Variants in ALAD observed in about 807,000 individuals in gnomAD.
The protein encoded by ALAD is delta-aminolevulinic acid dehydratase.
Under a neutral mutation model 44.4 loss-of-function variants are expected in ALAD, and 20 were observed. The observed-to-expected ratio is 0.45, with a 90% confidence interval of 0.32 to 0.65. The LOEUF (loss-of-function observed/expected upper bound fraction) is 0.65, where lower values mean the gene tolerates loss of function less well. ALAD is among the 30% of genes least tolerant of loss of function. The pLI, the probability that ALAD is intolerant of heterozygous loss-of-function variation, is 0.05. For missense variants in ALAD, 323 were observed against 445.7 expected, an observed-to-expected ratio of 0.72 and a Z score of 2.48; for synonymous variants, 156 against 167.9, an observed-to-expected ratio of 0.93 and a Z score of 0.55.
At chr9:113,392,746 A>G (rs755151847) in intron 2 of ALAD, among the ~76,000 whole-genome samples, 6 of 151,980 alleles carry the variant, frequency 3.9e-5, no homozygotes, top group Admixed American at 1.3e-4. Flanking sequence ...GGTGCTTAGC[A>G]TAGTACCTGG....
chr9:113,388,630 C>T (rs749966928), intron 11 of ALAD, among the ~76,000 whole-genome samples: 3 of 152,190 alleles, frequency 2.0e-5, no homozygotes, highest in Admixed American at 6.5e-5. Flanking sequence ...GTGTGCAATT[C>T]TAACAAAATG....
intron 1 of ALAD, among the ~76,000 whole-genome samples, chr9:113,395,525 A>G (rs79083546): frequency 7.2e-4 from 109 of 152,382 alleles, no homozygotes; most frequent in African/African-American, 2.4e-3. Flanking sequence ...AATTACGTGA[A>G]GTACAAAAAT....
At chr9:113,399,605 G>A (rs1564380590) in intron 1 of ALAD, among the ~76,000 whole-genome samples, 1 of 152,204 alleles carries the variant, frequency 6.6e-6, no homozygotes, top group Non-Finnish European at 1.5e-5. Flanking sequence ...GATAAGAAGT[G>A]TTTCAGATTT....
At chr9:113,399,246 G>A (rs1178913655) in intron 1 of ALAD, among the ~76,000 whole-genome samples, 1 of 152,230 alleles carries the variant, frequency 6.6e-6, no homozygotes, top group Admixed American at 6.5e-5. Flanking sequence ...GCAAGGCTGT[G>A]GAGATTATTG....
At position 113,392,255 on chromosome 9, in the gene ALAD, A is replaced by G. The variant is rs1342388462; in HGVS notation, c.114-86T>C. 6 of 1,607,284 alleles carry G rather than the reference A, an allele frequency of 3.7e-6. No homozygotes were observed. In the African/African-American group the frequency reaches 6.7e-5, roughly 18 times the overall value. On this transcript the variant is annotated intron_variant, in intron 2 of 11. Transcript: ENST00000409155. ...CGACTGAGAGGGATGGTTGGGAAGCAGGAAAGAAATATGGAAGTGGAGATG... is the reference window on the plus strand; with the variant it reads ...CGACTGAGAGGGATGGTTGGGAAGCGGGAAAGAAATATGGAAGTGGAGATG...
At chr9:113,390,368 T>C in intron 7 of ALAD, 37 bp downstream of exon 7, 1 of 1,595,516 alleles carries the variant, frequency 6.3e-7, no homozygotes, top group Non-Finnish European at 8.6e-7. Context: ...GTGCAGACTA[T>C]CTCCTGCCAG....
rs550232973 is a variant in ALAD, at chr9:113,389,719, C to G, written c.627-33G>C. The stretch of plus-strand genomic sequence containing the variant: ...GCAGAGTCATCAGGGTGGGCTCCAG[C>G]TTTGGGCCAAAGGGCCAGGGATTCA... On this transcript the variant is annotated intron_variant, in intron 8 of 11. Transcript: ENST00000409155. The G allele has an allele frequency of 3.7e-6, 6 of 1,614,188 alleles. No individual in the cohort carries two copies. In the South Asian group the frequency reaches 6.6e-5, roughly 18 times the overall value.
At chr9:113,398,224 C>T (rs1827781547) in intron 1 of ALAD, 1 of 152,220 alleles carries the variant, frequency 6.6e-6, no homozygotes, top group South Asian at 2.1e-4. Flanking sequence ...CATTTCATTG[C>T]AAGAATTGTC....
intron 1 of ALAD, among the ~76,000 whole-genome samples, chr9:113,400,439 C>A (rs1827824639): frequency 6.6e-6 from 1 of 152,156 alleles, no homozygotes; most frequent in Admixed American, 6.5e-5. Context: ...GGGTACAAAT[C>A]CTAGTTCTGT....
intron 11 of ALAD, among the ~76,000 whole-genome samples, chr9:113,388,691 G>A (rs1030625975): frequency 5.9e-5 from 9 of 152,238 alleles, no homozygotes; most frequent in South Asian, 4.1e-4. Context: ...GGACAACCAC[G>A]CACCAGGTAT....
chr9:113,396,735 G>A (rs1331680766), intron 1 of ALAD: 2 of 153,358 alleles, frequency 1.3e-5, no homozygotes, highest in Non-Finnish European at 2.9e-5. Flanking sequence ...GGGCAGAGAA[G>A]GAAGGGGCGT....
intron 1 of ALAD, among the ~76,000 whole-genome samples, chr9:113,400,928 C>A (rs2119019578): frequency 6.6e-6 from 1 of 152,350 alleles, no homozygotes; most frequent in South Asian, 2.1e-4. Context: ...CAACCACCAC[C>A]CGCACCTCGG....
At chr9:113,393,184 G>T in intron 2 of ALAD, 1 of 528,262 alleles carries the variant, frequency 1.9e-6, no homozygotes, top group Non-Finnish European at 3.4e-6. Flanking sequence ...CTCAGCTTCT[G>T]TCTTACTGCA....
At chr9:113,388,485 C>G in intron 11 of ALAD, 124 bp from the exon 12 acceptor site, 1 of 865,488 alleles carries the variant, frequency 1.2e-6, no homozygotes, top group South Asian at 1.4e-5. Flanking sequence ...TGTGGGCACA[C>G]CACATGAGAC....
chr9:113,398,630 T>C (rs1333635135), intron 1 of ALAD, among the ~76,000 whole-genome samples: 3 of 152,134 alleles, frequency 2.0e-5, no homozygotes, highest in Admixed American at 6.5e-5. Context: ...AGCTTGAAAA[T>C]TGCCAATCCT....
At chr9:113,393,666 T>C (rs995335936) in intron 1 of ALAD, 32 bp from the exon 2 acceptor site, 7 of 887,000 alleles carry the variant, frequency 7.9e-6, no homozygotes, top group Non-Finnish European at 1.3e-5. Flanking sequence ...ACATGAGACA[T>C]GGTCCCTGTC....
At position 113,388,367 on chromosome 9, in the gene ALAD, T is replaced by A. The variant is rs1350682666; in HGVS notation, c.932-6A>T. 3 of 1,613,832 alleles carry A rather than the reference T, an allele frequency of 1.9e-6. No individual in the cohort carries two copies. The highest frequency in any genetic ancestry group is 1.7e-4 in the Middle Eastern group (1 of 5,896). On this transcript the variant is annotated splice_region_variant and splice_polypyrimidine_tract_variant and intron_variant, in intron 11 of 11. Transcript: ENST00000409155. Reference sequence around the variant, plus strand: ...GGTGATGATGATGTCAGCACCTGTGTTGGGAGAGATGCAGAAAGTTGCTGG... The same window carrying A: ...GGTGATGATGATGTCAGCACCTGTGATGGGAGAGATGCAGAAAGTTGCTGG...
chr9:113,389,548 G>A, intron 9 of ALAD, 24 bp from the exon 10 acceptor site: 1 of 1,614,126 alleles, frequency 6.2e-7, no homozygotes. Flanking sequence ...GTATAATGTG[G>A]GTGGTGCCTA....
chr9:113,399,381 C>A (rs780777431), intron 1 of ALAD, among the ~76,000 whole-genome samples: 2 of 152,180 alleles, frequency 1.3e-5, no homozygotes, highest in Admixed American at 6.5e-5. Flanking sequence ...GCCTTCTGCA[C>A]CTCACCAGAT....
Sources: gnomAD v4.1 joint callset for allele counts (sites outside exome capture counted in the v4.1 genomes callset) on GRCh38, gnomAD v4.1.1 for gene constraint, MANE v1.5 for transcripts, NCBI Gene and HGNC (gene_info 2026-07-23, HGNC 2026-07-21) for gene names.